CALM3: variants seen among roughly 807,000 people sequenced by gnomAD.
CALM3 encodes the protein calmodulin 3.
CALM3 carries 5 observed loss-of-function variants against 20.1 expected under a neutral mutation model. The observed-to-expected ratio is 0.25, with a 90% CI of 0.13 to 0.52. The LOEUF is 0.52. Among genes scored for constraint, CALM3 ranks in the 20% least tolerant of loss-of-function variants. The probability of loss-of-function intolerance (pLI) is 0.96; values close to 1 mark genes in which losing one functional copy is unlikely to be tolerated. For missense variants in CALM3, 57 were observed against 192.8 expected, an observed-to-expected ratio of 0.30 and a Z score of 4.17; for synonymous variants, 69 against 68.1, an observed-to-expected ratio of 1.01 and a Z score of -0.06.
rs1463523159 is a variant in CALM3 at position 46,609,377 on chromosome 19, G to A, written c.*224G>A. On this transcript the variant is annotated 3_prime_UTR_variant, in exon 6 of 6. Coordinates refer to ENST00000291295, the MANE Select transcript of CALM3 (RefSeq NM_005184.4). ...CCCCTCATCTCTTCCTTTTGCCCTCGCCTCTTCCATCCATGTCTTCCAAGG... is the reference window on the plus strand; with the variant it reads ...CCCCTCATCTCTTCCTTTTGCCCTCACCTCTTCCATCCATGTCTTCCAAGG... 38 of 601,514 alleles carry A rather than the reference G, an allele frequency of 6.3e-5. No homozygotes were observed. Among genetic ancestry groups the A allele is most frequent in the Middle Eastern group, 2.6e-4 (1 of 3,876 alleles). The allele number at this position is 601,514 out of a possible 1,614,324, so 37.3% of individuals were successfully genotyped here.
In CALM3 at chr19:46,601,403, A is replaced by G. The variant is rs961672081; in HGVS notation, c.-32A>G. ...TGCTGCCGCCGCCGGAGGAACCTTG[A>G]TCCCCGTGCTCCGGACACCCCGGGC... On this transcript the variant is annotated 5_prime_UTR_variant, in exon 1 of 6. Coordinates refer to ENST00000291295, the MANE Select transcript of CALM3 (RefSeq NM_005184.4). This position sits in a 1 kb window ranked among gnomAD's most constrained non-coding sequence, Gnocchi z 4.2. 2.1e-5 allele frequency: 31 copies of G among 1,505,950 alleles called. No homozygotes were observed. In the South Asian group the frequency reaches 3.4e-4, roughly 17 times the overall value. 93.3% of individuals were successfully genotyped at this position (1,505,950 alleles called of 1,614,324 possible).
In CALM3 at chr19:46,608,968, G is replaced by A. The variant is rs938513010; in HGVS notation, c.408G>A (p.Gln136=). 1 of 1,603,580 alleles carries A rather than the reference G, an allele frequency of 6.2e-7. No individual in the cohort carries two copies. Residue 136 remains glutamine, a synonymous_variant, in exon 5 of 6, where the codon CAG becomes CAA. Coordinates refer to ENST00000291295, the MANE Select transcript of CALM3 (RefSeq NM_005184.4). This position sits in a 1 kb window ranked among gnomAD's most constrained non-coding sequence, Gnocchi z 5.5. The part of the protein sequence containing the change: ...IREADIDGDG[Q]VNYEEFVQMM... ...AGGCTGACATCGATGGAGATGGCCA[G>A]GTCAATTATGAAGGTGAGTCAAGGC...
intron 1 of CALM3, chr19:46,602,047 G>C: frequency 2.4e-6 from 3 of 1,265,066 alleles, no homozygotes; most frequent in Non-Finnish European, 3.1e-6. Context: ...GGGAGGGTGG[G>C]GGAGGGTGGT....
rs550782000 is a variant in CALM3 at position 46,608,686 on chromosome 19, G to A, written c.285+98G>A. The stretch of plus-strand genomic sequence containing the variant: ...CGGAGCTACCACTTCCAGGAGGTCC[G>A]GGTCCCGGTGCCAGCCTCATTGCCA... On this transcript the variant is annotated intron_variant, in intron 4 of 5. Transcript: ENST00000291295. This position sits in a 1 kb window ranked among gnomAD's most constrained non-coding sequence, Gnocchi z 5.5. 21 of 1,274,168 alleles carry A rather than the reference G, an allele frequency of 1.6e-5. No individual in the cohort carries two copies. Among genetic ancestry groups the A allele is most frequent in the East Asian group, 1.5e-4 (6 of 40,394 alleles). 78.9% of individuals were successfully genotyped at this position (1,274,168 alleles called of 1,614,324 possible). A position where few individuals can be genotyped will look rare whatever the true frequency, so the allele number is the denominator to read the frequency against.
In CALM3 at chr19:46,608,464, C is replaced by CGATG; in HGVS notation, c.179-18_179-17insGATG. On this transcript the variant is annotated splice_polypyrimidine_tract_variant and intron_variant, in intron 3 of 5. Transcript: ENST00000291295. This position sits in a 1 kb window ranked among gnomAD's most constrained non-coding sequence, Gnocchi z 5.5. ...GGCCCAGGCCAAGAGCATTCTCCAT[C>CGATG]CTTTCCCCACCTTCCAGGGAACGGG... The CGATG allele has an allele frequency of 1.2e-6, 2 of 1,611,878 alleles. No individual in the cohort carries two copies. Among genetic ancestry groups the CGATG allele is most frequent in the Non-Finnish European group, 1.7e-6 (2 of 1,177,908 alleles).
chr19:46,602,369 G>T (rs1971644236), intron 1 of CALM3, among the ~76,000 whole-genome samples: 1 of 147,078 alleles, frequency 6.8e-6, no homozygotes, highest in Non-Finnish European at 1.5e-5. Flanking sequence ...GGGTCCAAGA[G>T]AAGATGGATT....
Position 46,602,832 on chromosome 19 carries a change from C to G in CALM3, c.3+1395C>G, listed in dbSNP as rs181612549. Among the ~76,000 whole-genome samples the G allele has an allele frequency of 3.5e-3, 537 of 152,280 alleles. 3 individuals are homozygous for G. Among genetic ancestry groups the G allele is most frequent in the African/African-American group, 0.012 (506 of 41,558 alleles). ...CCGGTTTTCTCATGATCCCCAGCCC[C>G]ACGCACCATGCTGCACCTCGTCACT... On this transcript the variant is annotated intron_variant, in intron 1 of 5. Coordinates refer to ENST00000291295, the MANE Select transcript of CALM3 (RefSeq NM_005184.4).
chr19:46,601,477 A>G lies in CALM3; in HGVS notation c.3+40A>G. 2.1e-6 allele frequency: 3 copies of G among 1,454,734 alleles called. No individual in the cohort carries two copies. Among genetic ancestry groups the G allele is most frequent in the Non-Finnish European group, 2.7e-6 (3 of 1,099,796 alleles). The allele number at this position is 1,454,734 out of a possible 1,614,324, so 90.1% of individuals were successfully genotyped here. A position where few individuals can be genotyped will look rare whatever the true frequency, so the allele number is the denominator to read the frequency against. On this transcript the variant is annotated intron_variant, in intron 1 of 5. Coordinates refer to ENST00000291295, the MANE Select transcript of CALM3 (RefSeq NM_005184.4). This position sits in a 1 kb window ranked among gnomAD's most constrained non-coding sequence, Gnocchi z 4.2. ...GGGGTCGCCGAGGCTGCGGGCTCTG[A>G]GGCGGGCTTAACGGGGCAGGACCCC...
At position 46,605,708 on chromosome 19, in the gene CALM3, G is replaced by A. The variant is rs1971728156; in HGVS notation, c.4-119G>A. Reference sequence around the variant, plus strand: ...CCTGACTCTGGCATGCTCCTCCCTGGCCCGGCGGGAATGGCACGTGGAGCT... The same window carrying A: ...CCTGACTCTGGCATGCTCCTCCCTGACCCGGCGGGAATGGCACGTGGAGCT... On this transcript the variant is annotated intron_variant, in intron 1 of 5. Transcript: ENST00000291295. This position sits in a 1 kb window ranked among gnomAD's most constrained non-coding sequence, Gnocchi z 4.1. 4.4e-6 allele frequency: 4 copies of A among 910,520 alleles called. No homozygotes were observed. In the Admixed American group the frequency reaches 7.4e-5, roughly 17 times the overall value. 56.4% of individuals were successfully genotyped at this position (910,520 alleles called of 1,614,324 possible). A position where few individuals can be genotyped will look rare whatever the true frequency, so the allele number is the denominator to read the frequency against.
Position 46,608,001 on chromosome 19 carries a change from T to C in CALM3, c.35-196T>C. The C allele has an allele frequency of 1.7e-6, 1 of 573,096 alleles. No homozygotes were observed. Among genetic ancestry groups the C allele is most frequent in the South Asian group, 2.2e-5 (1 of 46,192 alleles). The allele number at this position is 573,096 out of a possible 1,614,324, so 35.5% of individuals were successfully genotyped here. A position where few individuals can be genotyped will look rare whatever the true frequency, so the allele number is the denominator to read the frequency against. The stretch of plus-strand genomic sequence containing the variant: ...GCACAGTGTTGATGTTCAATAACTG[T>C]TGAATGAAGGTTGGAAGGGCTTTGC... On this transcript the variant is annotated intron_variant, in intron 2 of 5. Coordinates refer to ENST00000291295, the MANE Select transcript of CALM3 (RefSeq NM_005184.4). The surrounding 1 kb of genome is among the most constrained non-coding windows in gnomAD (Gnocchi z 5.5).
upstream of CALM3, chr19:46,601,089 A>C (rs1215132991): frequency 9.2e-7 from 1 of 1,091,566 alleles, no homozygotes; most frequent in Non-Finnish European, 1.3e-6. This position sits in a 1 kb window ranked among gnomAD's most constrained non-coding sequence, Gnocchi z 4.2. Flanking sequence ...GAGGGAAAGT[A>C]GTCCGGCGAC....
At chr19:46,607,386 G>C (rs1971763882) in intron 2 of CALM3, among the ~76,000 whole-genome samples, 1 of 152,200 alleles carries the variant, frequency 6.6e-6, no homozygotes, top group Non-Finnish European at 1.5e-5. Context: ...TCTGGGAATA[G>C]GCTGCCGGAC....
At chr19:46,602,066 C>G (rs1214191512) in intron 1 of CALM3, 6 of 1,294,164 alleles carry the variant, frequency 4.6e-6, no homozygotes, top group Non-Finnish European at 6.1e-6. Context: ...GTCTCCAGAG[C>G]CCAGCACTGC....
chr19:46,603,126 G>A (rs1971669562), intron 1 of CALM3, among the ~76,000 whole-genome samples: 1 of 152,254 alleles, frequency 6.6e-6, no homozygotes, highest in Admixed American at 6.5e-5. Context: ...CCTGGGAACC[G>A]TGTGCAGCCA....
chr19:46,605,925 T>C lies in CALM3; in HGVS notation c.34+68T>C, dbSNP rs990428032. 9 of 1,425,030 alleles carry C rather than the reference T, an allele frequency of 6.3e-6. No individual in the cohort carries two copies. Among genetic ancestry groups the C allele is most frequent in the Non-Finnish European group, 7.9e-6 (8 of 1,008,590 alleles). 88.3% of individuals were successfully genotyped at this position (1,425,030 alleles called of 1,614,324 possible). A position where few individuals can be genotyped will look rare whatever the true frequency, so the allele number is the denominator to read the frequency against. Reference sequence around the variant, plus strand: ...ACATCCCCAGCCAAATCTTAGCCACTGAGGAGTGACATCTGATGGGTGAAC... The same window carrying C: ...ACATCCCCAGCCAAATCTTAGCCACCGAGGAGTGACATCTGATGGGTGAAC... On this transcript the variant is annotated intron_variant, in intron 2 of 5. Transcript: ENST00000291295. This position sits in a 1 kb window ranked among gnomAD's most constrained non-coding sequence, Gnocchi z 4.1.
In CALM3 at chr19:46,609,767, A is replaced by T. The variant is rs905641203; in HGVS notation, c.*614A>T. ...GAGGGGGTCGAGGGGGCCAACTCAC[A>T]GAAGGGGACTGACAGTGGGCAACAC... On this transcript the variant is annotated 3_prime_UTR_variant, in exon 6 of 6. Coordinates refer to ENST00000291295, the MANE Select transcript of CALM3 (RefSeq NM_005184.4). 1.3e-5 allele frequency: 2 copies of T among 153,644 alleles called. No individual in the cohort carries two copies. The highest frequency in any genetic ancestry group is 2.4e-5 in the African/African-American group (1 of 41,432). The allele number at this position is 153,644 out of a possible 1,614,324, so 9.5% of individuals were successfully genotyped here.
At position 46,610,055 on chromosome 19, in the gene CALM3, C is replaced by T. The variant is rs1000590419; in HGVS notation, c.*902C>T. The T allele has an allele frequency of 5.2e-5, 8 of 152,388 alleles. No individual in the cohort carries two copies. The highest frequency in any genetic ancestry group is 1.9e-4 in the African/African-American group (8 of 41,334). 9.4% of individuals were successfully genotyped at this position (152,388 alleles called of 1,614,324 possible). The stretch of plus-strand genomic sequence containing the variant: ...GCTGGTTCTCTTTTTTTTTCTTTCC[C>T]CTCTATGGCCCTTAAGACTTTCATT... On this transcript the variant is annotated 3_prime_UTR_variant, in exon 6 of 6. Transcript: ENST00000291295.
chr19:46,605,976 AC>A lies in CALM3; in HGVS notation c.34+120del, dbSNP rs1971734507. 4 of 882,172 alleles carry A rather than the reference AC, an allele frequency of 4.5e-6. No homozygotes were observed. The highest frequency in any genetic ancestry group is 4.2e-5 in the South Asian group (3 of 71,730). The allele number at this position is 882,172 out of a possible 1,614,324, so 54.6% of individuals were successfully genotyped here. A position where few individuals can be genotyped will look rare whatever the true frequency, so the allele number is the denominator to read the frequency against. ...CTGTGTATCCCTTGTGTCACCTAACACTATGCCTTGTGCCTAGAATGCTGAT... is the reference window on the plus strand; with the variant it reads ...CTGTGTATCCCTTGTGTCACCTAACATATGCCTTGTGCCTAGAATGCTGAT... On this transcript the variant is annotated intron_variant, in intron 2 of 5. Coordinates refer to ENST00000291295, the MANE Select transcript of CALM3 (RefSeq NM_005184.4). The surrounding 1 kb of genome is among the most constrained non-coding windows in gnomAD (Gnocchi z 4.1).
rs1437037992 is a variant in CALM3 at position 46,610,683 on chromosome 19, T to G, written c.*1530T>G. On this transcript the variant is annotated 3_prime_UTR_variant, in exon 6 of 6. Transcript: ENST00000291295. ...AGGCTGTGGACATTTTCGGAATGTTTTGGTTTTGTTTTTTTTAAACCGGGC... is the reference window on the plus strand; with the variant it reads ...AGGCTGTGGACATTTTCGGAATGTTGTGGTTTTGTTTTTTTTAAACCGGGC... 1 of 152,582 alleles carries G rather than the reference T, an allele frequency of 6.6e-6. No homozygotes were observed. Among genetic ancestry groups the G allele is most frequent in the East Asian group, 1.9e-4 (1 of 5,192 alleles). 9.5% of individuals were successfully genotyped at this position (152,582 alleles called of 1,614,324 possible).
Sources: gnomAD v4.1 joint callset for allele counts (sites outside exome capture counted in the v4.1 genomes callset) on GRCh38, gnomAD v4.1.1 for gene constraint, Gnocchi (gnomAD v3.1) non-coding constraint, MANE v1.5 for transcripts, NCBI Gene and HGNC (gene_info 2026-07-23, HGNC 2026-07-21) for gene names.